Variants in KIAA1549L observed in about 807,000 individuals in gnomAD.
The protein encoded by KIAA1549L is KIAA1549 like.
In KIAA1549L, 88 loss-of-function variants were observed where a neutral mutation model predicts 160.7. The ratio of observed to expected loss-of-function variants is 0.55; its 90% CI spans 0.46 to 0.65. The LOEUF is 0.65. Ranked by LOEUF, KIAA1549L falls within the 30% of genes least tolerant of loss-of-function variation. KIAA1549L has a pLI of 0.00. For synonymous variants in KIAA1549L, 950 were observed against 976.7 expected (o/e 0.97, Z 0.51); for missense variants, 2,258 against 2,437.5 (o/e 0.93, Z 1.55).
chr11:33,403,489 CACACATAG>C (rs940218036), intron 1 of KIAA1549L: 1 of 148,670 alleles, frequency 6.7e-6, no homozygotes, highest in African/African-American at 2.5e-5. Context: ...ACACATCAGA[CACACATAG>C]ACACACAGAC....
Position 33,609,097 on chromosome 11 carries a change from C to T in KIAA1549L, c.5062-652C>T, listed in dbSNP as rs547048340. On this transcript the variant is annotated intron_variant, in intron 14 of 20. Coordinates refer to ENST00000658780, the MANE Select transcript of KIAA1549L (RefSeq NM_012194.3). ...TTGCAAGGTACATTAGCCACGTTCC[C>T]TTCTGAAAGACCAGACTGCCTTTGC... Among the ~76,000 whole-genome samples the T allele has an allele frequency of 1.7e-4, 26 of 152,390 alleles. No individual in the cohort carries two copies. The South Asian group carries it at 5.4e-3, about 32-fold the overall frequency.
Position 33,477,075 on chromosome 11 carries a change from C to T in KIAA1549L, c.239-64727C>T, listed in dbSNP as rs559785440. Reference sequence around the variant, plus strand: ...GACTGAAGTTCTGGCAACTCATGGTCAGTGCTTGATCAGGCCAAAGGCAGT... The same window carrying T: ...GACTGAAGTTCTGGCAACTCATGGTTAGTGCTTGATCAGGCCAAAGGCAGT... On this transcript the variant is annotated intron_variant, in intron 1 of 20. Transcript: ENST00000658780. Among the ~76,000 whole-genome samples the T allele has an allele frequency of 2.6e-5, 4 of 152,244 alleles. No individual in the cohort carries two copies. The South Asian group carries it at 8.3e-4, about 32-fold the overall frequency.
chr11:33,621,753 T>G (rs1241695489), intron 16 of KIAA1549L, among the ~76,000 whole-genome samples: 1 of 152,222 alleles, frequency 6.6e-6, no homozygotes, highest in Non-Finnish European at 1.5e-5. Flanking sequence ...CCCCAGTATG[T>G]GGATACGAAA....
intron 17 of KIAA1549L, among the ~76,000 whole-genome samples, chr11:33,652,311 C>T (rs1256044321): frequency 6.6e-6 from 1 of 152,110 alleles, no homozygotes; most frequent in Non-Finnish European, 1.5e-5. Flanking sequence ...GGGTAGAAGA[C>T]ACCCTGGGGG....
intron 1 of KIAA1549L, among the ~76,000 whole-genome samples, chr11:33,527,697 A>C (rs185557355): frequency 4.1e-4 from 63 of 152,366 alleles, no homozygotes; most frequent in African/African-American, 1.4e-3. Flanking sequence ...ACAAAGGACT[A>C]ATATCCAGAA....
rs1462524641 is a variant in KIAA1549L, at chr11:33,583,513, T to A, written c.4566+12T>A. Reference sequence around the variant, plus strand: ...CGCAGAGAGCAAAGGTATATGGAAGTGGTGGGGAGAGGGGCAGGAGGACAG... The same window carrying A: ...CGCAGAGAGCAAAGGTATATGGAAGAGGTGGGGAGAGGGGCAGGAGGACAG... On this transcript the variant is annotated intron_variant, in intron 11 of 20. Transcript: ENST00000658780. 1.3e-6 allele frequency: 2 copies of A among 1,564,546 alleles called. No individual in the cohort carries two copies. Among genetic ancestry groups the A allele is most frequent in the Non-Finnish European group, 1.7e-6 (2 of 1,154,458 alleles).
At chr11:33,590,335 A>G (rs895344017) in intron 11 of KIAA1549L, among the ~76,000 whole-genome samples, 44 of 152,322 alleles carry the variant, frequency 2.9e-4, no homozygotes, top group African/African-American at 1.1e-3. Context: ...AACCCAAGCA[A>G]TCTGCTTTTG....
intron 1 of KIAA1549L, among the ~76,000 whole-genome samples, chr11:33,418,849 G>A (rs1238321971): frequency 1.3e-5 from 2 of 149,538 alleles, no homozygotes; most frequent in Non-Finnish European, 3.0e-5. Flanking sequence ...AGCCTGGGCT[G>A]TTCTGGCCCT....
At chr11:33,500,139 A>T (rs537274392) in intron 1 of KIAA1549L, among the ~76,000 whole-genome samples, 53 of 152,342 alleles carry the variant, frequency 3.5e-4, no homozygotes, top group African/African-American at 1.2e-3. Context: ...AAATTTTGAG[A>T]TTTCTTATAA....
At position 33,609,914 on chromosome 11, in the gene KIAA1549L, G is replaced by C; in HGVS notation, c.5227G>C (p.Val1743Leu). 1.2e-6 allele frequency: 2 copies of C among 1,614,028 alleles called. No homozygotes were observed. Among genetic ancestry groups the C allele is most frequent in the Non-Finnish European group, 1.7e-6 (2 of 1,179,878 alleles). ...YEKAPKEMEH[V>L]LDPDSELCAP... The stretch of plus-strand genomic sequence containing the variant: ...AAAAGCCCCGAAGGAAATGGAGCAT[G>C]TTTTGGATCCAGATTCAGAACTCTG... Residue 1743 changes from valine (V) to leucine (L), a missense_variant, in exon 15 of 21, where the codon GTT becomes CTT. Physicochemically the swap from Val to Leu is conservative, Grantham distance 32 (BLOSUM62 1). Transcript: ENST00000658780.
At chr11:33,646,116 C>T in intron 17 of KIAA1549L, 80 bp downstream of exon 17, 1 of 1,079,754 alleles carries the variant, frequency 9.3e-7, no homozygotes. Context: ...AGAGCAGGGG[C>T]TTCTACAGAT....
chr11:33,605,338 G>T (rs1850473968), intron 13 of KIAA1549L, among the ~76,000 whole-genome samples: 2 of 152,130 alleles, frequency 1.3e-5, no homozygotes, highest in African/African-American at 4.8e-5. Context: ...TTCATAGATG[G>T]CTTGTATAGC....
intron 1 of KIAA1549L, among the ~76,000 whole-genome samples, chr11:33,444,309 A>G (rs553343683): frequency 3.9e-5 from 6 of 152,352 alleles, no homozygotes; most frequent in East Asian, 3.9e-4. Context: ...ATATCTATAT[A>G]ATAAAATCCT....
chr11:33,668,380 TGTTTGATACTCTC>T lies in KIAA1549L; in HGVS notation c.*227_*239del, dbSNP rs1852559084. On this transcript the variant is annotated 3_prime_UTR_variant, in exon 21 of 21. Coordinates refer to ENST00000658780, the MANE Select transcript of KIAA1549L (RefSeq NM_012194.3). The stretch of plus-strand genomic sequence containing the variant: ...GTCAAGTCCCTGGCTTGGGGCCTTA[TGTTTGATACTCTC>T]TCATGTCAAATGTTTGAACTTTGGG... 1.7e-6 allele frequency: 1 copy of T among 576,916 alleles called. No homozygotes were observed. The highest frequency in any genetic ancestry group is 2.2e-5 in the South Asian group (1 of 44,490). 35.7% of individuals were successfully genotyped at this position (576,916 alleles called of 1,614,324 possible).
rs1157165593 is a variant in KIAA1549L at position 33,670,936 on chromosome 11, A to G, written c.*2782A>G. The G allele has an allele frequency of 3.3e-5, 5 of 152,164 alleles. No individual in the cohort carries two copies. The highest frequency in any genetic ancestry group is 1.2e-4 in the African/African-American group (5 of 41,428). The allele number at this position is 152,164 out of a possible 1,614,324, so 9.4% of individuals were successfully genotyped here. On this transcript the variant is annotated 3_prime_UTR_variant, in exon 21 of 21. Transcript: ENST00000658780. ...GAACCTGCTTGCTTTCCATCTCGCCATGTGGCCTGCAGGCTTGTCAGTAAC... is the reference window on the plus strand; with the variant it reads ...GAACCTGCTTGCTTTCCATCTCGCCGTGTGGCCTGCAGGCTTGTCAGTAAC...
At chr11:33,655,906 G>C in intron 17 of KIAA1549L, 106 bp from the exon 18 acceptor site, 1 of 743,688 alleles carries the variant, frequency 1.3e-6, no homozygotes, top group South Asian at 1.5e-5. Flanking sequence ...TAAGGAGGCA[G>C]AGTCTGACCC....
chr11:33,391,733 G>C (rs1004874063), intron 1 of KIAA1549L, among the ~76,000 whole-genome samples: 5 of 152,204 alleles, frequency 3.3e-5, no homozygotes, highest in Admixed American at 6.5e-5. Context: ...GAGATGCAGG[G>C]AGGAAGTGTC....
intron 11 of KIAA1549L, among the ~76,000 whole-genome samples, chr11:33,589,400 C>T (rs968521795): frequency 3.9e-5 from 6 of 152,158 alleles, no homozygotes; most frequent in Admixed American, 2.0e-4. Context: ...ACCCAGCCAT[C>T]CCCATTACTG....
intron 1 of KIAA1549L, among the ~76,000 whole-genome samples, chr11:33,404,227 A>G (rs557105892): frequency 6.6e-6 from 1 of 152,340 alleles, no homozygotes; most frequent in Non-Finnish European, 1.5e-5. Flanking sequence ...AAGAGTTTCA[A>G]TAAAATCTTC....
Sources: gnomAD v4.1 joint callset for allele counts (sites outside exome capture counted in the v4.1 genomes callset) on GRCh38, gnomAD v4.1.1 for gene constraint, MANE v1.5 for transcripts, NCBI Gene and HGNC (gene_info 2026-07-23, HGNC 2026-07-21) for gene names.